The following PTPN14 variants were observed in gnomAD, a reference collection of about 807,000 sequenced individuals.
PTPN14 encodes tyrosine-protein phosphatase non-receptor type 14.
PTPN14 carries 53 observed loss-of-function variants against 126.8 expected under a neutral mutation model. The ratio of observed to expected loss-of-function variants is 0.42; its 90% CI spans 0.34 to 0.53. PTPN14 has a LOEUF of 0.53. Among genes scored for constraint, PTPN14 ranks in the 20% least tolerant of loss-of-function variants. The probability of loss-of-function intolerance (pLI) is 0.08; values close to 1 mark genes in which losing one functional copy is unlikely to be tolerated. For missense variants in PTPN14, 1,257 were observed against 1,552.9 expected (o/e 0.81, Z 3.20); for synonymous variants, 630 against 599.3 (o/e 1.05, Z -0.75).
At chr1:214,426,932 T>C (rs906960386) in intron 3 of PTPN14, among the ~76,000 whole-genome samples, 1 of 152,012 alleles carries the variant, frequency 6.6e-6, no homozygotes, top group African/African-American at 2.4e-5. Flanking sequence ...ATTCAAATTC[T>C]CTCTTTAAAA....
At chr1:214,479,341 CT>C (rs368916343) in intron 1 of PTPN14, among the ~76,000 whole-genome samples, 187 of 137,936 alleles carry the variant, frequency 1.4e-3, no homozygotes, top group Admixed American at 1.6e-3. Context: ...AAAACCCTGT[CT>C]TTTTTTTTTT....
chr1:214,415,472 C>T (rs577773349), intron 3 of PTPN14, among the ~76,000 whole-genome samples: 2 of 152,326 alleles, frequency 1.3e-5, no homozygotes, highest in African/African-American at 4.8e-5. Flanking sequence ...TGCCCATACT[C>T]TCAACACATA....
chr1:214,414,797 GC>G (rs1659390141), intron 3 of PTPN14, 71 bp from the exon 4 acceptor site: 2 of 1,213,178 alleles, frequency 1.6e-6, no homozygotes, highest in Admixed American at 1.7e-5. Context: ...CAACACAGAT[GC>G]CTCTAGATGT....
intron 1 of PTPN14, among the ~76,000 whole-genome samples, chr1:214,493,443 C>T (rs61819647): frequency 0.026 from 3,966 of 152,218 alleles, 72 homozygotes; most frequent in Middle Eastern, 0.048. Context: ...CCCCATTTTC[C>T]ATGATGTGAT....
At chr1:214,516,407 T>C (rs1043330463) in intron 1 of PTPN14, among the ~76,000 whole-genome samples, 1 of 152,186 alleles carries the variant, frequency 6.6e-6, no homozygotes, top group Non-Finnish European at 1.5e-5. Context: ...GTGAGAGACA[T>C]TGCTGTTCCC....
chr1:214,437,316 C>T (rs1009447268), intron 3 of PTPN14, among the ~76,000 whole-genome samples: 7 of 151,970 alleles, frequency 4.6e-5, no homozygotes, highest in African/African-American at 1.7e-4. Context: ...AATTAAAATT[C>T]AATCTGTAAC....
chr1:214,482,206 C>CT lies in PTPN14; in HGVS notation c.-154-17250dup, dbSNP rs61017156. On this transcript the variant is annotated intron_variant, in intron 1 of 18. Coordinates refer to ENST00000366956, the MANE Select transcript of PTPN14 (RefSeq NM_005401.5). ...CCTTGATAGCTCATTCCAGTAACAACTTTTTTTTTTTTTAGTGATAAAATA... is the reference window on the plus strand; with the variant it reads ...CCTTGATAGCTCATTCCAGTAACAACTTTTTTTTTTTTTTAGTGATAAAATA... Among the ~76,000 whole-genome samples the CT allele has an allele frequency of 3.8e-3, 551 of 143,200 alleles. 4 individuals are homozygous for CT. Among genetic ancestry groups the CT allele is most frequent in the Non-Finnish European group, 2.7e-3 (178 of 65,046 alleles). The allele number at this position is 143,200 out of a possible 152,430, so 93.9% of individuals were successfully genotyped here. A position where few individuals can be genotyped will look rare whatever the true frequency, so the allele number is the denominator to read the frequency against.
intron 18 of PTPN14, among the ~76,000 whole-genome samples, chr1:214,363,193 G>C (rs1558069204): frequency 6.6e-6 from 1 of 152,188 alleles, no homozygotes; most frequent in Non-Finnish European, 1.5e-5. Flanking sequence ...TTTGTTTTAT[G>C]TTTTTCTAAC....
At chr1:214,515,613 T>C (rs1346418259) in intron 1 of PTPN14, among the ~76,000 whole-genome samples, 1 of 152,228 alleles carries the variant, frequency 6.6e-6, no homozygotes, top group East Asian at 1.9e-4. Flanking sequence ...TTTTCATTTA[T>C]TTAAATCTGA....
rs1658026327 is a variant in PTPN14, at chr1:214,364,440, G to A, written c.3435+72C>T. The stretch of plus-strand genomic sequence containing the variant: ...TAACCACTGAAAATGCAAGGGTGCA[G>A]GCAAAGGTTTGGCCAGGGTGTAGAC... On this transcript the variant is annotated intron_variant, in intron 18 of 18. Coordinates refer to ENST00000366956, the MANE Select transcript of PTPN14 (RefSeq NM_005401.5). The surrounding 1 kb of genome is among the most constrained non-coding windows in gnomAD (Gnocchi z 4.1). 3.3e-6 allele frequency: 5 copies of A among 1,532,670 alleles called. No homozygotes were observed. The highest frequency in any genetic ancestry group is 4.4e-6 in the Non-Finnish European group (5 of 1,133,820). 94.9% of individuals were successfully genotyped at this position (1,532,670 alleles called of 1,614,324 possible).
chr1:214,491,862 ATTCTT>A (rs1259190491), intron 1 of PTPN14, among the ~76,000 whole-genome samples: 1 of 152,074 alleles, frequency 6.6e-6, no homozygotes, highest in Non-Finnish European at 1.5e-5. Flanking sequence ...GCTTCCTTCC[ATTCTT>A]TTCTTTTCTA....
At chr1:214,547,227 C>T (rs1213728797) in intron 1 of PTPN14, among the ~76,000 whole-genome samples, 2 of 152,194 alleles carry the variant, frequency 1.3e-5, no homozygotes, top group African/African-American at 2.4e-5. Flanking sequence ...CCTCTCCCCT[C>T]CTATTACAAA....
In PTPN14 at chr1:214,433,842, A is replaced by G. The variant is rs184723451; in HGVS notation, c.344+17963T>C. Among the ~76,000 whole-genome samples the G allele has an allele frequency of 6.0e-5, 9 of 150,744 alleles. No individual in the cohort carries two copies. The East Asian group carries it at 1.8e-3, about 30-fold the overall frequency. ...GGTAGCTCATGCCTGTAGCTCTAGC[A>G]CTTTGAGAGGCTGAGGCAGGACGAC... On this transcript the variant is annotated intron_variant, in intron 3 of 18. Coordinates refer to ENST00000366956, the MANE Select transcript of PTPN14 (RefSeq NM_005401.5).
At chr1:214,389,638 T>C (rs1040378914) in intron 11 of PTPN14, among the ~76,000 whole-genome samples, 1 of 152,220 alleles carries the variant, frequency 6.6e-6, no homozygotes, top group Non-Finnish European at 1.5e-5. Context: ...ACTGTCTTCA[T>C]CCAAATAAAA....
chr1:214,386,353 C>T (rs1343580601), intron 12 of PTPN14, among the ~76,000 whole-genome samples: 1 of 152,092 alleles, frequency 6.6e-6, no homozygotes, highest in African/African-American at 2.4e-5. Flanking sequence ...AACAGATTTA[C>T]CTTACTCAGA....
intron 18 of PTPN14, among the ~76,000 whole-genome samples, chr1:214,358,894 C>G (rs977863337): frequency 6.6e-6 from 1 of 151,656 alleles, no homozygotes; most frequent in African/African-American, 2.4e-5. Flanking sequence ...AGGTGCGCAC[C>G]ACCACGCCCG....
chr1:214,377,994 G>T lies in PTPN14; in HGVS notation c.2653C>A (p.Arg885=), dbSNP rs1384446244. 6.2e-7 allele frequency: 1 copy of T among 1,613,258 alleles called. No individual in the cohort carries two copies. Among genetic ancestry groups the T allele is most frequent in the South Asian group, 1.1e-5 (1 of 91,030 alleles). ...ATGGGAACCCGGGTGGCATCAACTCGATTCTCTTCCCGCCCTGAGACTCGA... is the reference window on the plus strand; with the variant it reads ...ATGGGAACCCGGGTGGCATCAACTCTATTCTCTTCCCGCCCTGAGACTCGA... ...VARVSGREEN[R]VDATRVPMDE... is the part of the protein sequence containing the mutation. Residue 885 remains arginine (R), a synonymous_variant, in exon 14 of 19, where the codon CGA becomes AGA. Transcript: ENST00000366956.
chr1:214,387,306 G>T (rs923876693), intron 11 of PTPN14, among the ~76,000 whole-genome samples: 6 of 152,324 alleles, frequency 3.9e-5, no homozygotes, highest in East Asian at 3.9e-4. Context: ...GAGCTCAGGA[G>T]TTCAAGACCA....
chr1:214,393,050 C>T (rs533486382), intron 10 of PTPN14, among the ~76,000 whole-genome samples: 33 of 152,298 alleles, frequency 2.2e-4, no homozygotes, highest in African/African-American at 7.2e-4. Flanking sequence ...AAAAAGACAA[C>T]GATAGAGTGA....
Sources: allele counts gnomAD v4.1 joint callset (sites outside exome capture counted in the v4.1 genomes callset), GRCh38; gene constraint gnomAD v4.1.1; non-coding constraint Gnocchi (gnomAD v3.1); transcripts MANE v1.5; gene names NCBI Gene and HGNC (gene_info 2026-07-23, HGNC 2026-07-21).